The following RHD variants were observed in gnomAD, a reference collection of about 807,000 sequenced individuals.
The protein encoded by RHD is Rh blood group D antigen.
In RHD, 16 loss-of-function variants were observed where a neutral mutation model predicts 45.5. That is an observed-to-expected ratio of 0.35 (90% CI 0.24 to 0.53). The LOEUF is 0.53. Ranked by LOEUF, RHD falls within the 20% of genes least tolerant of loss-of-function variation. RHD has a pLI of 0.92. For synonymous variants in RHD, 131 were observed against 217.5 expected, an observed-to-expected ratio of 0.60 and a Z score of 3.50; for missense variants, 306 against 532.0, an observed-to-expected ratio of 0.58 and a Z score of 4.18.
At chr1:25,272,862 G>C (rs1179652895) in intron 1 of RHD, among the ~76,000 whole-genome samples, 167 bp downstream of exon 1, 1 of 131,558 alleles carries the variant, frequency 7.6e-6, no homozygotes, top group Non-Finnish European at 1.8e-5. Context: ...AACAATGTAA[G>C]CTTTCCTTTA....
rs1487172949 is a variant in RHD at position 25,301,715 on chromosome 1, C to T, written c.801+29C>T. On this transcript the variant is annotated intron_variant, in intron 5 of 9. Coordinates refer to ENST00000328664, the MANE Select transcript of RHD (RefSeq NM_016124.6). ...AGCAGGGCGCTGCCCTTGGGCAGCACTTGGGTCTAACAGGACTAGCACACA... is the reference window on the plus strand; with the variant it reads ...AGCAGGGCGCTGCCCTTGGGCAGCATTTGGGTCTAACAGGACTAGCACACA... 7.0e-5 allele frequency: 96 copies of T among 1,363,520 alleles called. 25 individuals carry two copies. The highest frequency in any genetic ancestry group is 9.7e-5 in the Non-Finnish European group (94 of 965,110). The allele number at this position is 1,363,520 out of a possible 1,614,324, so 84.5% of individuals were successfully genotyped here.
intron 3 of RHD, among the ~76,000 whole-genome samples, chr1:25,299,500 C>G (rs2124669646): frequency 7.6e-6 from 1 of 132,090 alleles, no homozygotes; most frequent in South Asian, 2.3e-4. Context: ...GGGTGGACTA[C>G]TCCCTCCACC....
chr1:25,314,979 C>T (rs1214754950), intron 7 of RHD, among the ~76,000 whole-genome samples: 2 of 129,428 alleles, frequency 1.5e-5, no homozygotes, highest in East Asian at 2.0e-4. Flanking sequence ...CTGAGGCTGG[C>T]GGATCACAAG....
intron 3 of RHD, among the ~76,000 whole-genome samples, chr1:25,295,893 G>A (rs1296745535): frequency 2.1e-5 from 2 of 95,700 alleles, no homozygotes; most frequent in African/African-American, 3.7e-5. Flanking sequence ...ATGGAGTTTC[G>A]CTGTTGTCAT....
rs111568147 is a variant in RHD, at chr1:25,283,487, T to C, written c.149-1086T>C. On this transcript the variant is annotated intron_variant, in intron 1 of 9. Coordinates refer to ENST00000328664, the MANE Select transcript of RHD (RefSeq NM_016124.6). ...CAGAGGTTGCAGTGAGCCAAGATCT[T>C]GCCACTGTACTCCAGCCTGGGTGAC... Among the ~76,000 whole-genome samples, 43 of 129,666 alleles carry C rather than the reference T, an allele frequency of 3.3e-4. 7 individuals carry two copies. The highest frequency in any genetic ancestry group is 5.8e-4 in the Non-Finnish European group (32 of 54,828). 85.1% of individuals were successfully genotyped at this position (129,666 alleles called of 152,430 possible). A position where few individuals can be genotyped will look rare whatever the true frequency, so the allele number is the denominator to read the frequency against.
intron 2 of RHD, among the ~76,000 whole-genome samples, chr1:25,285,517 A>C (rs1242433503): frequency 3.0e-5 from 4 of 135,088 alleles, no homozygotes; most frequent in Non-Finnish European, 7.0e-5. Flanking sequence ...ATTTTCATTA[A>C]ATTACCTGTG....
chr1:25,285,134 A>ATTTTTTTTTT (rs869147845), intron 2 of RHD, among the ~76,000 whole-genome samples: 1 of 120,754 alleles, frequency 8.3e-6, no homozygotes, highest in African/African-American at 3.0e-5. Context: ...GAGACATTCT[A>ATTTTTTTTTT]TTTTTTTTTT....
chr1:25,304,711 AT>A (rs1472257932), intron 6 of RHD: 2 of 132,338 alleles, frequency 1.5e-5, no homozygotes, highest in South Asian at 4.6e-4. Context: ...AAAAAATAAA[AT>A]TAAATAAGGA....
rs993647423 is a variant in RHD, at chr1:25,309,503, C to CT, written c.1073+2775dup. Among the ~76,000 whole-genome samples the CT allele has an allele frequency of 2.3e-5, 3 of 131,470 alleles. 1 individual carries two copies. Among genetic ancestry groups the CT allele is most frequent in the African/African-American group, 5.3e-5 (2 of 37,946 alleles). The allele number at this position is 131,470 out of a possible 152,430, so 86.2% of individuals were successfully genotyped here. On this transcript the variant is annotated intron_variant, in intron 7 of 9. Transcript: ENST00000328664. ...CCTCCCATTTCCCTTCTATTTCAAG[C>CT]TAGTAACTCAGTTTTCTTTTAAATT...
chr1:25,294,617 G>C, intron 3 of RHD: 3 of 1,018,988 alleles, frequency 2.9e-6, no homozygotes, highest in South Asian at 1.3e-5. Flanking sequence ...CACCGCAAAC[G>C]GCACTCAGCC....
chr1:25,282,102 AC>A (rs1167214644), intron 1 of RHD, among the ~76,000 whole-genome samples: 1 of 131,992 alleles, frequency 7.6e-6, no homozygotes, highest in African/African-American at 2.6e-5. Flanking sequence ...ACTGTACTAA[AC>A]ATTATTTCCT....
chr1:25,286,399 G>A (rs993442337), intron 2 of RHD, among the ~76,000 whole-genome samples: 4 of 134,924 alleles, frequency 3.0e-5, no homozygotes, highest in African/African-American at 1.0e-4. Context: ...TGAGGCAGGA[G>A]GATCACCTGA....
rs368617713 is a variant in RHD, at chr1:25,282,627, T to C, written c.149-1946T>C. Among the ~76,000 whole-genome samples the C allele has an allele frequency of 1.5e-5, 2 of 132,490 alleles. 1 individual carries two copies. Among genetic ancestry groups the C allele is most frequent in the Admixed American group, 1.5e-4 (2 of 13,576 alleles). 86.9% of individuals were successfully genotyped at this position (132,490 alleles called of 152,430 possible). A position where few individuals can be genotyped will look rare whatever the true frequency, so the allele number is the denominator to read the frequency against. Reference sequence around the variant, plus strand: ...ACCTATGCTTCCCCTTCCACCTTTTTGAAAAACATTGTCTAGGCTGGGCAC... The same window carrying C: ...ACCTATGCTTCCCCTTCCACCTTTTCGAAAAACATTGTCTAGGCTGGGCAC... On this transcript the variant is annotated intron_variant, in intron 1 of 9. Transcript: ENST00000328664.
At chr1:25,277,720 A>G (rs1413255813) in intron 1 of RHD, among the ~76,000 whole-genome samples, 1 of 124,788 alleles carries the variant, frequency 8.0e-6, no homozygotes, top group East Asian at 2.0e-4. Flanking sequence ...CTTATTGCCC[A>G]GGGGAGTGCA....
In RHD at chr1:25,296,967, T is replaced by A. The variant is rs112350226; in HGVS notation, c.487-3979T>A. On this transcript the variant is annotated intron_variant, in intron 3 of 9. Transcript: ENST00000328664. ...CAAGGGGACATTCTCTTACATAACC[T>A]TTTTTCAGTTAACAAAAATGAGAAA... Among the ~76,000 whole-genome samples, 86 of 131,570 alleles carry A rather than the reference T, an allele frequency of 6.5e-4. 3 individuals carry two copies. The highest frequency in any genetic ancestry group is 2.0e-3 in the African/African-American group (77 of 38,032). 86.3% of individuals were successfully genotyped at this position (131,570 alleles called of 152,430 possible).
Position 25,288,492 on chromosome 1 carries a change from TA to T in RHD, c.336-2148del, listed in dbSNP as rs1396858839. Among the ~76,000 whole-genome samples the T allele has an allele frequency of 3.1e-5, 4 of 127,626 alleles. 1 individual carries two copies. Among genetic ancestry groups the T allele is most frequent in the African/African-American group, 1.1e-4 (4 of 37,508 alleles). 83.7% of individuals were successfully genotyped at this position (127,626 alleles called of 152,430 possible). A position where few individuals can be genotyped will look rare whatever the true frequency, so the allele number is the denominator to read the frequency against. On this transcript the variant is annotated intron_variant, in intron 2 of 9. Coordinates refer to ENST00000328664, the MANE Select transcript of RHD (RefSeq NM_016124.6). ...ACCATTCCTGGCCTTAAAAGTGTGA[TA>T]TTTTTAATGTATTTTGAAATCTGCA...
At position 25,300,614 on chromosome 1, in the gene RHD, A is replaced by G. The variant is rs1412364925; in HGVS notation, c.487-332A>G. On this transcript the variant is annotated intron_variant, in intron 3 of 9. Transcript: ENST00000328664. ...CGCCTGAGGTCAGGAGTTTGAGACC[A>G]GCCTGGCAAACACGGTGAAACCCCA... Among the ~76,000 whole-genome samples, 2 of 130,792 alleles carry G rather than the reference A, an allele frequency of 1.5e-5. 1 individual carries two copies. The highest frequency in any genetic ancestry group is 3.6e-5 in the Non-Finnish European group (2 of 55,488). The allele number at this position is 130,792 out of a possible 152,430, so 85.8% of individuals were successfully genotyped here. A position where few individuals can be genotyped will look rare whatever the true frequency, so the allele number is the denominator to read the frequency against.
chr1:25,310,550 T>G (rs896099635), intron 7 of RHD, among the ~76,000 whole-genome samples: 2 of 130,984 alleles, frequency 1.5e-5, no homozygotes, highest in African/African-American at 5.2e-5. Flanking sequence ...AGAAAGAAAA[T>G]TAATGCAAGA....
intron 7 of RHD, among the ~76,000 whole-genome samples, chr1:25,308,303 C>T (rs1643955294): frequency 8.9e-6 from 1 of 112,518 alleles, no homozygotes; most frequent in Admixed American, 8.8e-5. Context: ...GCACCTGCAT[C>T]ACTTGGAAAC....
Sources: allele counts gnomAD v4.1 joint callset (sites outside exome capture counted in the v4.1 genomes callset), GRCh38; gene constraint gnomAD v4.1.1; transcripts MANE v1.5; gene names NCBI Gene and HGNC (gene_info 2026-07-23, HGNC 2026-07-21).